Variants in TENM1 observed in about 807,000 individuals in gnomAD.
TENM1 encodes teneurin transmembrane protein 1.
A neutral mutation model predicts 174.8 loss-of-function variants in TENM1; 35 were observed. That is an observed-to-expected ratio of 0.20 (90% CI 0.15 to 0.27). The LOEUF is 0.27. Among genes scored for constraint, TENM1 ranks in the 10% least tolerant of loss-of-function variants. TENM1 has a pLI of 1.00. For missense variants in TENM1, 1,633 were observed against 2,130.1 expected (o/e 0.77, Z 4.59); for synonymous variants, 781 against 798.7 (o/e 0.98, Z 0.37).
At chrX:125,190,981 C>G in the TENM1 span, among the ~76,000 whole-genome samples, 1 of 111,086 alleles carries the variant, frequency 9.0e-6, no homozygotes, top group African/African-American at 3.3e-5. Flanking sequence ...TTCCTTTTAT[C>G]TTAAAATATT....
chrX:124,825,611 C>T (rs913319160), intron 3 of TENM1, among the ~76,000 whole-genome samples: 1 of 112,037 alleles, frequency 8.9e-6, no homozygotes, highest in African/African-American at 3.2e-5. Context: ...AAGAAGCAAG[C>T]ATTAATTATG....
chrX:125,135,180 A>C, the TENM1 span, among the ~76,000 whole-genome samples: 1 of 111,903 alleles, frequency 8.9e-6, no homozygotes, highest in African/African-American at 3.3e-5. Context: ...TTTATCACTA[A>C]AAGTTGCTGG....
chrX:124,944,063 C>A (rs2058367258), intron 1 of TENM1, among the ~76,000 whole-genome samples: 1 of 111,515 alleles, frequency 9.0e-6, no homozygotes, highest in Non-Finnish European at 1.9e-5. Flanking sequence ...CAAAATCATT[C>A]TTTTAAGATA....
At chrX:124,997,397 C>T in the TENM1 span, among the ~76,000 whole-genome samples, 1 of 111,231 alleles carries the variant, frequency 9.0e-6, no homozygotes, top group Non-Finnish European at 1.9e-5. Flanking sequence ...GAAATGAAAT[C>T]CAAATGGCAG....
At chrX:125,122,488 T>A in the TENM1 span, among the ~76,000 whole-genome samples, 1 of 111,853 alleles carries the variant, frequency 8.9e-6, no homozygotes, top group African/African-American at 3.2e-5. Flanking sequence ...GAAATTTCAT[T>A]CATTTTTAAA....
At chrX:125,196,549 G>A in the TENM1 span, among the ~76,000 whole-genome samples, 2 of 111,403 alleles carry the variant, frequency 1.8e-5, no homozygotes, top group African/African-American at 6.5e-5. Context: ...AAGGCAGGAG[G>A]GGGATAAGGC....
chrX:124,941,469 T>C (rs965637056), intron 1 of TENM1, among the ~76,000 whole-genome samples: 2 of 111,847 alleles, frequency 1.8e-5, no homozygotes, highest in Non-Finnish European at 3.8e-5. Context: ...CAATTGCCTC[T>C]TCCTTTTATG....
At chrX:124,920,046 A>G (rs2057994445) in intron 1 of TENM1, among the ~76,000 whole-genome samples, 1 of 111,656 alleles carries the variant, frequency 9.0e-6, no homozygotes, top group South Asian at 3.7e-4. Flanking sequence ...GAGTCATTTT[A>G]GAAAGATTTT....
chrX:124,675,372 T>G (rs1296696179), intron 5 of TENM1, among the ~76,000 whole-genome samples: 3 of 110,945 alleles, frequency 2.7e-5, no homozygotes, highest in Non-Finnish European at 5.7e-5. Context: ...CAGCTTTAGA[T>G]GCAGTATAAA....
At chrX:125,055,432 G>C in the TENM1 span, among the ~76,000 whole-genome samples, 1 of 111,165 alleles carries the variant, frequency 9.0e-6, no homozygotes, top group Non-Finnish European at 1.9e-5. Context: ...TGATTGCCCT[G>C]ATAATCAAAT....
chrX:124,451,191 T>A, intron 23 of TENM1, among the ~76,000 whole-genome samples: 1 of 111,178 alleles, frequency 9.0e-6, no homozygotes. Context: ...TCTTTAAATG[T>A]CTAATACTGA....
At chrX:125,074,368 G>T in the TENM1 span, among the ~76,000 whole-genome samples, 552 of 108,437 alleles carry the variant, frequency 5.1e-3, 2 homozygotes, top group African/African-American at 0.017. Flanking sequence ...TAACCTACTT[G>T]CCCAGACACA....
intron 15 of TENM1, among the ~76,000 whole-genome samples, chrX:124,544,081 T>C (rs1396592589): frequency 8.8e-6 from 1 of 113,028 alleles, no homozygotes; most frequent in Non-Finnish European, 1.9e-5. Flanking sequence ...AAATGCTTTC[T>C]TCACCCGCCT....
intron 3 of TENM1, among the ~76,000 whole-genome samples, chrX:124,744,588 C>A (rs1406610367): frequency 9.0e-6 from 1 of 111,219 alleles, no homozygotes; most frequent in Non-Finnish European, 1.9e-5. Flanking sequence ...CTGTTATTAC[C>A]CAGTGAAGTA....
At chrX:125,071,027 C>T in the TENM1 span, among the ~76,000 whole-genome samples, 1 of 111,433 alleles carries the variant, frequency 9.0e-6, no homozygotes. Flanking sequence ...TATTTCTTCA[C>T]CCCAATTTGC....
At chrX:124,681,691 A>G (rs994797050) in intron 5 of TENM1, among the ~76,000 whole-genome samples, 1 of 111,460 alleles carries the variant, frequency 9.0e-6, no homozygotes, top group Non-Finnish European at 1.9e-5. Flanking sequence ...GCTGCTAACT[A>G]GTGTGTGTAA....
the TENM1 span, among the ~76,000 whole-genome samples, chrX:125,017,146 A>T: frequency 1.8e-5 from 2 of 112,167 alleles, no homozygotes; most frequent in Non-Finnish European, 1.9e-5. Context: ...TTCAGGACAT[A>T]GGCATGGGCA....
chrX:124,561,062 T>C (rs1335515374), intron 14 of TENM1, among the ~76,000 whole-genome samples: 1 of 111,739 alleles, frequency 8.9e-6, no homozygotes, highest in Non-Finnish European at 1.9e-5. Context: ...CCATAAATTG[T>C]CTCGATGCTA....
At chrX:124,595,102 T>C (rs2049859377) in intron 11 of TENM1, among the ~76,000 whole-genome samples, 1 of 112,488 alleles carries the variant, frequency 8.9e-6, no homozygotes, top group South Asian at 3.7e-4. Flanking sequence ...TCCCACTCTG[T>C]TGTCAATTAT....
Sources: allele counts gnomAD v4.1 joint callset (sites outside exome capture counted in the v4.1 genomes callset), GRCh38; gene constraint gnomAD v4.1.1; transcripts MANE v1.5; gene names NCBI Gene and HGNC (gene_info 2026-07-23, HGNC 2026-07-21).